The following CPM variants were observed in gnomAD, a reference collection of about 807,000 sequenced individuals.
The protein encoded by CPM is renal carboxypeptidase.
CPM carries 35 observed loss-of-function variants against 46.4 expected under a neutral mutation model. That is an observed-to-expected ratio of 0.75 (90% CI 0.58 to 1.00). The LOEUF (loss-of-function observed/expected upper bound fraction) is 1.00, where lower values mean the gene tolerates loss of function less well. CPM is among the 50% of genes least tolerant of loss of function. The probability of loss-of-function intolerance (pLI) is 0.00; values close to 1 mark genes in which losing one functional copy is unlikely to be tolerated. For missense variants in CPM, 422 were observed against 530.4 expected (o/e 0.80, Z 2.01); for synonymous variants, 195 against 195.3 (o/e 1.00, Z 0.01).
chr12:68,858,758 C>T (rs1333661445), intron 8 of CPM, among the ~76,000 whole-genome samples, 165 bp downstream of exon 8: 2 of 150,034 alleles, frequency 1.3e-5, no homozygotes, highest in Admixed American at 6.6e-5. Flanking sequence ...ATATAATTTC[C>T]ACCTCTTCCA....
intron 3 of CPM, among the ~76,000 whole-genome samples, chr12:68,873,227 T>C (rs1885788720): frequency 6.6e-6 from 1 of 152,228 alleles, no homozygotes; most frequent in African/African-American, 2.4e-5. Context: ...CAGAAGAATT[T>C]CCAGTCATGA....
chr12:68,940,459 A>T (rs1270288903), intron 1 of CPM, among the ~76,000 whole-genome samples: 1 of 148,888 alleles, frequency 6.7e-6, no homozygotes, highest in Non-Finnish European at 1.5e-5. Flanking sequence ...TCCCTCCCCC[A>T]GATTTATATT....
At chr12:68,845,872 T>C in intron 5 of CPM, 1 of 152,588 alleles carries the variant, frequency 6.6e-6, no homozygotes, top group Non-Finnish European at 1.5e-5. Context: ...CAAGCAATCC[T>C]CCCACCTCAG....
chr12:68,913,071 C>T (rs769767035), intron 2 of CPM, among the ~76,000 whole-genome samples: 23 of 152,228 alleles, frequency 1.5e-4, no homozygotes, highest in Admixed American at 1.4e-3. Flanking sequence ...CATCTCCTCC[C>T]GGATGTTAAG....
intron 1 of CPM, among the ~76,000 whole-genome samples, chr12:68,955,105 G>C (rs1359670942): frequency 6.6e-6 from 1 of 152,194 alleles, no homozygotes; most frequent in African/African-American, 2.4e-5. Context: ...ATCCGGGCCA[G>C]TAGCACAAGC....
intron 2 of CPM, among the ~76,000 whole-genome samples, chr12:68,915,404 G>T (rs1182990557): frequency 6.6e-6 from 1 of 152,120 alleles, no homozygotes; most frequent in Admixed American, 6.5e-5. Flanking sequence ...GTCCCACCAT[G>T]TCCTCCCTGG....
At chr12:68,960,704 T>G (rs938677681) in intron 1 of CPM, among the ~76,000 whole-genome samples, 1 of 152,142 alleles carries the variant, frequency 6.6e-6, no homozygotes, top group Admixed American at 6.5e-5. Context: ...AATGTCAAGA[T>G]GATAACAGAG....
At chr12:68,934,516 G>A (rs1565805916), upstream of CPM, among the ~76,000 whole-genome samples, 2 of 152,296 alleles carry the variant, frequency 1.3e-5, no homozygotes, top group East Asian at 1.9e-4. Context: ...CTGCCCTTGC[G>A]ATAGTTTGCT....
At chr12:68,856,776 G>A in intron 8 of CPM, 97 bp from the exon 9 acceptor site, 2 of 1,462,082 alleles carry the variant, frequency 1.4e-6, no homozygotes, top group Non-Finnish European at 1.9e-6. Flanking sequence ...TGCAGCCTTT[G>A]TGCAATGCAT....
chr12:68,960,590 T>C (rs186984713), intron 1 of CPM, among the ~76,000 whole-genome samples: 3 of 152,240 alleles, frequency 2.0e-5, no homozygotes, highest in Non-Finnish European at 4.4e-5. Context: ...TAGAACATCA[T>C]ATTTTGAGAT....
chr12:68,858,660 G>T (rs1172045871), intron 8 of CPM, among the ~76,000 whole-genome samples: 1 of 151,572 alleles, frequency 6.6e-6, no homozygotes, highest in Non-Finnish European at 1.5e-5. Flanking sequence ...AATCATAAAA[G>T]ATATCACAAG....
rs766853187 is a variant in CPM at position 68,932,844 on chromosome 12, G to A, written c.-3-4C>T. 5.6e-6 allele frequency: 9 copies of A among 1,613,166 alleles called. No individual in the cohort carries two copies. In the African/African-American group the frequency reaches 1.2e-4, roughly 22 times the overall value. On this transcript the variant is annotated splice_polypyrimidine_tract_variant and splice_region_variant and intron_variant, in intron 1 of 8. Transcript: ENST00000551568. ...AGAGGCACGGGAAGTCCATGTTCTA[G>A]AGATGAATAAAAATAAGAAGAACCT...
At chr12:68,930,577 TG>T (rs1419884566) in intron 2 of CPM, among the ~76,000 whole-genome samples, 1 of 152,256 alleles carries the variant, frequency 6.6e-6, no homozygotes, top group Non-Finnish European at 1.5e-5. Context: ...ATGGCAGATT[TG>T]GGATTTTTCT....
At chr12:68,948,812 A>G (rs1456720934) in intron 1 of CPM, among the ~76,000 whole-genome samples, 3 of 152,162 alleles carry the variant, frequency 2.0e-5, no homozygotes, top group Admixed American at 6.5e-5. Context: ...TTCAGTTGCC[A>G]TTTATTGCTG....
At chr12:68,904,109 G>A (rs1267396600) in intron 2 of CPM, among the ~76,000 whole-genome samples, 1 of 152,112 alleles carries the variant, frequency 6.6e-6, no homozygotes, top group East Asian at 1.9e-4. Context: ...TAAACTCCTG[G>A]TTTCAAGTGA....
chr12:68,962,059 G>A (rs943553347), intron 1 of CPM, among the ~76,000 whole-genome samples: 1 of 152,002 alleles, frequency 6.6e-6, no homozygotes, highest in Admixed American at 6.6e-5. Flanking sequence ...AATTAGCCGG[G>A]CACGGTGGTG....
At chr12:68,936,744 T>A (rs1888680686), upstream of CPM, among the ~76,000 whole-genome samples, 1 of 152,182 alleles carries the variant, frequency 6.6e-6, no homozygotes, top group African/African-American at 2.4e-5. Context: ...AAAAGGCTAA[T>A]AATTTGAAAA....
intron 1 of CPM, among the ~76,000 whole-genome samples, chr12:68,945,175 C>A (rs1217066114): frequency 1.3e-5 from 2 of 152,070 alleles, no homozygotes; most frequent in African/African-American, 4.8e-5. Context: ...CTCCAATAAC[C>A]CTAATCTTGT....
chr12:68,961,443 G>A (rs1296272632), intron 1 of CPM, among the ~76,000 whole-genome samples: 9 of 152,044 alleles, frequency 5.9e-5, no homozygotes, highest in Non-Finnish European at 1.0e-4. Flanking sequence ...ACAGTGCCCA[G>A]CCTAAATTTT....
Sources: allele counts gnomAD v4.1 joint callset (sites outside exome capture counted in the v4.1 genomes callset), GRCh38; gene constraint gnomAD v4.1.1; transcripts MANE v1.5; gene names NCBI Gene and HGNC (gene_info 2026-07-23, HGNC 2026-07-21).